LRRTM4: variants seen among roughly 807,000 people sequenced by gnomAD.
LRRTM4 encodes leucine-rich repeat transmembrane neuronal protein 4.
LRRTM4 carries 25 observed loss-of-function variants against 47.6 expected under a neutral mutation model. That is an observed-to-expected ratio of 0.53 (90% confidence interval 0.38 to 0.73). The LOEUF is 0.73. Ranked by LOEUF, LRRTM4 falls within the 30% of genes least tolerant of loss-of-function variation. The pLI is 0.00. For missense variants in LRRTM4, 638 were observed against 713.4 expected (o/e 0.89, Z 1.20); for synonymous variants, 311 against 269.5 (o/e 1.15, Z -1.51).
intron 3 of LRRTM4, among the ~76,000 whole-genome samples, chr2:76,850,383 A>G (rs2103969564): frequency 6.6e-6 from 1 of 152,288 alleles, no homozygotes; most frequent in South Asian, 2.1e-4. Flanking sequence ...GTGTGGGAAC[A>G]CTGCATTAGA....
At chr2:77,095,506 A>G (rs1287689443) in intron 3 of LRRTM4, among the ~76,000 whole-genome samples, 1 of 140,836 alleles carries the variant, frequency 7.1e-6, no homozygotes, top group Non-Finnish European at 1.5e-5. Flanking sequence ...ACCATATGCA[A>G]ACTTTTTTTT....
At chr2:77,177,863 T>A (rs1259363115) in intron 3 of LRRTM4, among the ~76,000 whole-genome samples, 1 of 152,194 alleles carries the variant, frequency 6.6e-6, no homozygotes, top group South Asian at 2.1e-4. Flanking sequence ...TTCTTTATGG[T>A]TCCCTTCCAG....
intron 3 of LRRTM4, among the ~76,000 whole-genome samples, chr2:76,796,284 G>T (rs1402448322): frequency 1.0e-5 from 1 of 95,914 alleles, no homozygotes; most frequent in Non-Finnish European, 1.9e-5. Flanking sequence ...AAACAAAGCA[G>T]CCAGGAAGCT....
chr2:76,898,639 T>C (rs1329988176), intron 3 of LRRTM4, among the ~76,000 whole-genome samples: 2 of 149,130 alleles, frequency 1.3e-5, no homozygotes, highest in African/African-American at 2.5e-5. Context: ...TCTATTCAAA[T>C]ATGCATTAAT....
At chr2:76,939,446 G>C (rs1459185610) in intron 3 of LRRTM4, among the ~76,000 whole-genome samples, 1 of 151,962 alleles carries the variant, frequency 6.6e-6, no homozygotes, top group Non-Finnish European at 1.5e-5. Flanking sequence ...AGATTTTTTT[G>C]TCCACATTCC....
intron 3 of LRRTM4, among the ~76,000 whole-genome samples, chr2:77,277,972 TTC>T (rs1196066994): frequency 6.6e-6 from 1 of 151,948 alleles, no homozygotes; most frequent in African/African-American, 2.4e-5. Flanking sequence ...TCACTTGAGT[TTC>T]TCTCTGTCTC....
chr2:77,442,111 C>A (rs907876916), intron 3 of LRRTM4, among the ~76,000 whole-genome samples: 1 of 152,094 alleles, frequency 6.6e-6, no homozygotes, highest in Non-Finnish European at 1.5e-5. Context: ...AAGACATGGT[C>A]ACAGAGGACT....
chr2:77,183,049 A>G lies in LRRTM4; in HGVS notation c.1551+335269T>C, dbSNP rs181045215. Among the ~76,000 whole-genome samples the G allele has an allele frequency of 5.1e-3, 773 of 152,330 alleles. 9 individuals carry two copies. Among genetic ancestry groups the G allele is most frequent in the African/African-American group, 0.018 (749 of 41,580 alleles). On this transcript the variant is annotated intron_variant, in intron 3 of 3. Coordinates refer to ENST00000409884, the MANE Select transcript of LRRTM4 (RefSeq NM_001134745.3). ...GCAAGGACTTCATGACTAAAACGCC[A>G]AAAGCAATGGCAACAAAAGCCAAAA...
chr2:77,514,418 T>C lies in LRRTM4; in HGVS notation c.1551+3900A>G, dbSNP rs538030546. On this transcript the variant is annotated intron_variant, in intron 3 of 3. Coordinates refer to ENST00000409884, the MANE Select transcript of LRRTM4 (RefSeq NM_001134745.3). ...AACCTGACCTAACATAGTCCATAAA[T>C]AAAAGTTGTTAGAAATGGTTTATAC... Among the ~76,000 whole-genome samples, 13 of 152,170 alleles carry C rather than the reference T, an allele frequency of 8.5e-5. No individual in the cohort carries two copies. The East Asian group carries it at 2.5e-3, about 29-fold the overall frequency.
At chr2:77,165,499 A>T (rs1213448852) in intron 3 of LRRTM4, among the ~76,000 whole-genome samples, 1 of 152,160 alleles carries the variant, frequency 6.6e-6, no homozygotes, top group African/African-American at 2.4e-5. Flanking sequence ...CCTGGCAGAG[A>T]CACAATAAAA....
intron 3 of LRRTM4, among the ~76,000 whole-genome samples, chr2:77,070,276 A>G (rs1680108615): frequency 6.6e-6 from 1 of 152,134 alleles, no homozygotes; most frequent in East Asian, 1.9e-4. Flanking sequence ...AGGTTGCTGC[A>G]TGACTTTGGT....
chr2:77,263,021 C>A (rs1558659150), intron 3 of LRRTM4, among the ~76,000 whole-genome samples: 1 of 152,082 alleles, frequency 6.6e-6, no homozygotes, highest in East Asian at 1.9e-4. Context: ...TAGAAGGTTA[C>A]AATTTTCAGC....
At chr2:77,500,883 C>A (rs1678547866) in intron 3 of LRRTM4, among the ~76,000 whole-genome samples, 1 of 151,120 alleles carries the variant, frequency 6.6e-6, no homozygotes, top group African/African-American at 2.4e-5. Flanking sequence ...GAGAAAATGT[C>A]CAAGATATAT....
intron 3 of LRRTM4, among the ~76,000 whole-genome samples, chr2:77,408,189 G>A (rs980540447): frequency 9.2e-5 from 14 of 152,228 alleles, no homozygotes; most frequent in Middle Eastern, 3.4e-3. Flanking sequence ...TGCCCCCCAG[G>A]GGGAGTGCTT....
chr2:77,159,086 C>A (rs1340459892), intron 3 of LRRTM4, among the ~76,000 whole-genome samples: 1 of 152,102 alleles, frequency 6.6e-6, no homozygotes, highest in Non-Finnish European at 1.5e-5. Context: ...TATTTTTCTA[C>A]ATGAACCGTT....
chr2:76,974,544 T>A (rs1203079830), intron 3 of LRRTM4, among the ~76,000 whole-genome samples: 1 of 151,240 alleles, frequency 6.6e-6, no homozygotes, highest in Non-Finnish European at 1.5e-5. Context: ...TGTATATGTG[T>A]CACATACATA....
chr2:77,391,058 A>T (rs1157271275), intron 3 of LRRTM4, among the ~76,000 whole-genome samples: 1 of 152,090 alleles, frequency 6.6e-6, no homozygotes, highest in Non-Finnish European at 1.5e-5. Flanking sequence ...TAAAATTTGC[A>T]ATCAGGACAT....
chr2:77,011,424 A>G (rs191476782), intron 3 of LRRTM4, among the ~76,000 whole-genome samples: 4 of 152,140 alleles, frequency 2.6e-5, no homozygotes, highest in African/African-American at 7.2e-5. Context: ...ATTTTACACC[A>G]TTATTGGAAC....
At chr2:76,916,248 G>T (rs1674240399) in intron 3 of LRRTM4, among the ~76,000 whole-genome samples, 2 of 151,752 alleles carry the variant, frequency 1.3e-5, no homozygotes, top group African/African-American at 4.8e-5. Flanking sequence ...AGCCGGGCGT[G>T]TTGGCGGGCG....
Sources: gnomAD v4.1 joint callset for allele counts (sites outside exome capture counted in the v4.1 genomes callset) on GRCh38, gnomAD v4.1.1 for gene constraint, MANE v1.5 for transcripts, NCBI Gene and HGNC (gene_info 2026-07-23, HGNC 2026-07-21) for gene names.